The following TDRD6 variants were observed in gnomAD, a reference collection of about 807,000 sequenced individuals.
TDRD6 encodes tudor domain-containing protein 6.
In TDRD6, 186 loss-of-function variants were observed where a neutral mutation model predicts 157.5. That is an observed-to-expected ratio of 1.18 (90% CI 1.05 to 1.33). The LOEUF (loss-of-function observed/expected upper bound fraction) is 1.33, where lower values mean the gene tolerates loss of function less well. Among genes scored for constraint, TDRD6 ranks in the 40% most tolerant of loss-of-function variants. TDRD6 has a pLI of 0.00. For missense variants in TDRD6, 3,066 were observed against 2,508.0 expected (o/e 1.22, Z -4.75); for synonymous variants, 1,075 against 945.2 (o/e 1.14, Z -2.52).
At chr6:46,681,391 T>A in the TDRD6 span, 157 of 342,092 alleles carry the variant, frequency 4.6e-4, 1 homozygote, top group East Asian at 0.012. Flanking sequence ...TTTTAAAGCA[T>A]GTATGGAAAT....
intron 3 of TDRD6, among the ~76,000 whole-genome samples, chr6:46,699,433 A>C (rs978111917): frequency 2.0e-5 from 3 of 152,338 alleles, no homozygotes; most frequent in African/African-American, 7.2e-5. Context: ...CCAGGCAGTA[A>C]CTGGGGTTAG....
chr6:46,690,113 A>G lies in TDRD6; in HGVS notation c.1985A>G (p.Gln662Arg). 2 of 1,613,838 alleles carry G rather than the reference A, an allele frequency of 1.2e-6. No individual in the cohort carries two copies. The highest frequency in any genetic ancestry group is 8.5e-7 in the Non-Finnish European group (1 of 1,179,952). ...GAAAACATTAGTAAGGTAATTGCCCAAGCTGGATATGCCAAGTATCAGGAA... is the reference window on the plus strand; with the variant it reads ...GAAAACATTAGTAAGGTAATTGCCCGAGCTGGATATGCCAAGTATCAGGAA... ...GEENISKVIA[Q>R]AGYAKYQEFE... The change falls in exon 1 of 4, where the codon CAA (glutamine) becomes CGA (arginine). Residue 662 changes from glutamine (Q) to arginine (R), a missense_variant. Gln to Arg is a conservative substitution (Grantham distance 43). Coordinates refer to ENST00000316081, the MANE Select transcript of TDRD6 (RefSeq NM_001010870.3).
intron 1 of TDRD6, among the ~76,000 whole-genome samples, chr6:46,694,982 G>C (rs1764455516): frequency 6.6e-6 from 1 of 152,124 alleles, no homozygotes; most frequent in Non-Finnish European, 1.5e-5. Context: ...ACTGTTTCAT[G>C]TGTAAATCTT....
Position 46,687,999 on chromosome 6 carries a change from A to T in TDRD6, c.-130A>T, listed in dbSNP as rs1390046748. On this transcript the variant is annotated 5_prime_UTR_variant, in exon 1 of 4. Transcript: ENST00000316081. The stretch of plus-strand genomic sequence containing the variant: ...GTTGCCGAGAAAAGGCCTCGCCGGC[A>T]TTCTTCCCCTCCACTGGGTCCTTTG... The T allele has an allele frequency of 5.2e-6, 7 of 1,333,666 alleles. No homozygotes were observed. The East Asian group carries it at 1.2e-4, about 23-fold the overall frequency. The allele number at this position is 1,333,666 out of a possible 1,614,324, so 82.6% of individuals were successfully genotyped here.
chr6:46,698,693 G>A (rs1406576504), intron 3 of TDRD6, among the ~76,000 whole-genome samples: 1 of 152,080 alleles, frequency 6.6e-6, no homozygotes, highest in African/African-American at 2.4e-5. Context: ...GTCATCTTGG[G>A]GTTTGTAGCT....
Position 46,695,964 on chromosome 6 carries a change from C to T in TDRD6, c.6171+19C>T, listed in dbSNP as rs754509903. 12 of 1,605,508 alleles carry T rather than the reference C, an allele frequency of 7.5e-6. No individual in the cohort carries two copies. In the South Asian group the frequency reaches 1.0e-4, roughly 13 times the overall value. ...AACAAGGGTAAGTGATGTTTAAGTA[C>T]TTTATCTCCAAATGTATTTGCAGAC... On this transcript the variant is annotated intron_variant, in intron 2 of 3. Coordinates refer to ENST00000316081, the MANE Select transcript of TDRD6 (RefSeq NM_001010870.3).
Position 46,689,653 on chromosome 6 carries a change from C to A in TDRD6, c.1525C>A (p.His509Asn). The change falls in exon 1 of 4, where the codon CAC becomes AAC. Residue 509 changes from histidine (H) to asparagine (N), a missense_variant. His to Asn is a moderately conservative substitution (Grantham distance 68, BLOSUM62 1). Coordinates refer to ENST00000316081, the MANE Select transcript of TDRD6 (RefSeq NM_001010870.3). ...PSEFWIRLRKHNVTFSKLMRR... is the reference protein window; with the variant it reads ...PSEFWIRLRKNNVTFSKLMRR... The stretch of plus-strand genomic sequence containing the variant: ...TGAGTTTTGGATTAGGTTGAGGAAA[C>A]ACAATGTCACCTTCAGTAAGCTGAT... 1 of 1,614,186 alleles carries A rather than the reference C, an allele frequency of 6.2e-7. No homozygotes were observed. The highest frequency in any genetic ancestry group is 1.1e-5 in the South Asian group (1 of 91,084).
In TDRD6 at chr6:46,688,539, A is replaced by T; in HGVS notation, c.411A>T (p.Ala137=). 6.3e-7 allele frequency: 1 copy of T among 1,575,280 alleles called. No homozygotes were observed. The highest frequency in any genetic ancestry group is 8.6e-7 in the Non-Finnish European group (1 of 1,165,852). ...GCGTGCTAGCGGGCCTGGTGCCGGC[A>T]GGCTGCGGCGCGGGCTCAGGCGAGC... ...LGCVLAGLVP[A]GCGAGSGEPP... is the part of the protein sequence containing the mutation. The change falls in exon 1 of 4, where the codon GCA becomes GCT. Residue 137 remains alanine, a synonymous_variant. Coordinates refer to ENST00000316081, the MANE Select transcript of TDRD6 (RefSeq NM_001010870.3).
At position 46,692,463 on chromosome 6, in the gene TDRD6, T is replaced by C; in HGVS notation, c.4335T>C (p.Ala1445=). The change falls in exon 1 of 4, where the codon GCT becomes GCC. Residue 1445 remains alanine (A), a synonymous_variant. Coordinates refer to ENST00000316081, the MANE Select transcript of TDRD6 (RefSeq NM_001010870.3). Reference sequence around the variant, plus strand: ...ACTTTTCCCAACGGACCAGCGAGGCTGCAATAAGATGTGAATTTGTTAAAT... The same window carrying C: ...ACTTTTCCCAACGGACCAGCGAGGCCGCAATAAGATGTGAATTTGTTAAAT... The part of the protein sequence containing the change: ...MHYFSQRTSE[A]AIRCEFVKFQ... The C allele has an allele frequency of 6.2e-7, 1 of 1,613,954 alleles. No individual in the cohort carries two copies. The highest frequency in any genetic ancestry group is 2.2e-5 in the East Asian group (1 of 44,884).
chr6:46,701,766 A>T (rs1764630841), intron 3 of TDRD6, 92 bp from the exon 4 acceptor site: 36 of 1,260,430 alleles, frequency 2.9e-5, no homozygotes, highest in Non-Finnish European at 3.7e-5. Flanking sequence ...CTTTTAGAGA[A>T]CATTACATTT....
At position 46,689,118 on chromosome 6, in the gene TDRD6, G is replaced by C. The variant is rs7751263; in HGVS notation, c.990G>C (p.Leu330=). 2.2e-5 allele frequency: 36 copies of C among 1,614,046 alleles called. No individual in the cohort carries two copies. Among genetic ancestry groups the C allele is most frequent in the Non-Finnish European group, 3.0e-5 (35 of 1,180,054 alleles). The change falls in exon 1 of 4, where the codon CTG becomes CTC. Residue 330 remains leucine (L), a synonymous_variant. Coordinates refer to ENST00000316081, the MANE Select transcript of TDRD6 (RefSeq NM_001010870.3). ...CGLDGHWYRA[L]LLETFRPQRC... is the part of the protein sequence containing the mutation. Reference sequence around the variant, plus strand: ...TGGATGGACATTGGTACAGAGCACTGTTGCTTGAGACTTTTCGGCCCCAGC... The same window carrying C: ...TGGATGGACATTGGTACAGAGCACTCTTGCTTGAGACTTTTCGGCCCCAGC...
Position 46,688,574 on chromosome 6 carries a change from A to G in TDRD6, c.446A>G (p.His149Arg), listed in dbSNP as rs928995552. 6 of 1,596,168 alleles carry G rather than the reference A, an allele frequency of 3.8e-6. No individual in the cohort carries two copies. Among genetic ancestry groups the G allele is most frequent in the Non-Finnish European group, 5.1e-6 (6 of 1,178,104 alleles). Residue 149 changes from histidine (H) to arginine (R), a missense_variant, in exon 1 of 4, where the codon CAC becomes CGC. Transcript: ENST00000316081. ...GCGGGCTCAGGCGAGCCGCCGCAGC[A>G]CTGGCCCGCCGACGCCGTGGACTTC... The part of the protein sequence containing the change: ...CGAGSGEPPQ[H>R]WPADAVDFLS...
Position 46,691,015 on chromosome 6 carries a change from C to A in TDRD6, c.2887C>A (p.Gln963Lys), listed in dbSNP as rs770934988. The A allele has an allele frequency of 3.1e-6, 5 of 1,613,720 alleles. No individual in the cohort carries two copies. The highest frequency in any genetic ancestry group is 1.3e-5 in the African/African-American group (1 of 74,890). ...GAGACTTGCAAGACCAGTAAAACTT[C>A]AGAAGCCTTTGGAGTCCTCTGTTCA... The part of the protein sequence containing the change: ...EKRLARPVKL[Q>K]KPLESSVQLH... Residue 963 changes from glutamine to lysine, a missense_variant, in exon 1 of 4, where the codon CAG becomes AAG. Gln to Lys is a moderately conservative substitution (Grantham distance 53, BLOSUM62 1). Coordinates refer to ENST00000316081, the MANE Select transcript of TDRD6 (RefSeq NM_001010870.3).
rs1371714628 is a variant in TDRD6 at position 46,693,878 on chromosome 6, A to G, written c.5750A>G (p.Asp1917Gly). 9 of 1,614,098 alleles carry G rather than the reference A, an allele frequency of 5.6e-6. No individual in the cohort carries two copies. In the Admixed American group the frequency reaches 1.0e-4, roughly 18 times the overall value. ...CTACCTACAGCCCAGCTGCCTTTAG[A>G]TGACAAGATGGATCCTTTGTCTTTA... is the stretch of plus-strand genomic sequence containing the variant. ...LELPTAQLPL[D>G]DKMDPLSLGV... Residue 1917 changes from aspartate to glycine, a missense_variant, in exon 1 of 4, where the codon GAT becomes GGT. Transcript: ENST00000316081.
Position 46,690,998 on chromosome 6 carries a change from C to G in TDRD6, c.2870C>G (p.Ala957Gly). 2 of 1,613,998 alleles carry G rather than the reference C, an allele frequency of 1.2e-6. No homozygotes were observed. Among genetic ancestry groups the G allele is most frequent in the Admixed American group, 1.7e-5 (1 of 59,990 alleles). ...ACHFLVEKRL[A>G]RPVKLQKPLE... Reference sequence around the variant, plus strand: ...CATTTCTTGGTAGAAAAGAGACTTGCAAGACCAGTAAAACTTCAGAAGCCT... The same window carrying G: ...CATTTCTTGGTAGAAAAGAGACTTGGAAGACCAGTAAAACTTCAGAAGCCT... Residue 957 changes from alanine to glycine, a missense_variant, in exon 1 of 4, where the codon GCA becomes GGA. Coordinates refer to ENST00000316081, the MANE Select transcript of TDRD6 (RefSeq NM_001010870.3).
At chr6:46,684,087 G>A (rs1438887407), upstream of TDRD6, among the ~76,000 whole-genome samples, 1 of 152,102 alleles carries the variant, frequency 6.6e-6, no homozygotes, top group Non-Finnish European at 1.5e-5. Context: ...CAATCCTGCT[G>A]TAATTCAAAA....
In TDRD6 at chr6:46,691,753, T is replaced by A. The variant is rs1245026958; in HGVS notation, c.3625T>A (p.Leu1209Met). ...VGYKLPNKEI[L>M]EESYKPQINS... ...GTACAAGTTACCTAATAAAGAAATT[T>A]TGGAAGAGTCATATAAACCTCAGAT... is the stretch of plus-strand genomic sequence containing the variant. The change falls in exon 1 of 4, where the codon TTG (leucine) becomes ATG (methionine). Residue 1209 changes from leucine to methionine, a missense_variant. Transcript: ENST00000316081. 5 of 1,592,060 alleles carry A rather than the reference T, an allele frequency of 3.1e-6. No individual in the cohort carries two copies. Among genetic ancestry groups the A allele is most frequent in the Non-Finnish European group, 4.3e-6 (5 of 1,174,426 alleles).
At chr6:46,684,894 A>G (rs1422772458), upstream of TDRD6, among the ~76,000 whole-genome samples, 1 of 152,036 alleles carries the variant, frequency 6.6e-6, no homozygotes, top group African/African-American at 2.4e-5. Context: ...TGGCTGTACC[A>G]TTTTACATTC....
chr6:46,689,662 A>G lies in TDRD6; in HGVS notation c.1534A>G (p.Thr512Ala), dbSNP rs898808524. The G allele has an allele frequency of 1.9e-6, 3 of 1,614,046 alleles. No homozygotes were observed. In the African/African-American group the frequency reaches 4.0e-5, roughly 22 times the overall value. ...GATTAGGTTGAGGAAACACAATGTC[A>G]CCTTCAGTAAGCTGATGAGGAGAAT... ...FWIRLRKHNV[T>A]FSKLMRRMCG... is the part of the protein sequence containing the mutation. Residue 512 changes from threonine to alanine, a missense_variant, in exon 1 of 4, where the codon ACC becomes GCC. Coordinates refer to ENST00000316081, the MANE Select transcript of TDRD6 (RefSeq NM_001010870.3).
Sources: allele counts gnomAD v4.1 joint callset (sites outside exome capture counted in the v4.1 genomes callset), GRCh38; gene constraint gnomAD v4.1.1; transcripts MANE v1.5; gene names NCBI Gene and HGNC (gene_info 2026-07-23, HGNC 2026-07-21).